The following BMP2K variants were observed in gnomAD, a reference collection of about 807,000 sequenced individuals.
BMP2K encodes BMP-2-inducible protein kinase.
A neutral mutation model predicts 116.0 loss-of-function variants in BMP2K; 74 were observed. That is an observed-to-expected ratio of 0.64 (90% CI 0.53 to 0.77). The LOEUF is 0.77. BMP2K is among the 30% of genes least tolerant of loss of function. The pLI, the probability that BMP2K is intolerant of heterozygous loss-of-function variation, is 0.00. For missense variants in BMP2K, 1,365 were observed against 1,403.6 expected, an observed-to-expected ratio of 0.97 and a Z score of 0.44; for synonymous variants, 486 against 502.5, an observed-to-expected ratio of 0.97 and a Z score of 0.44.
At chr4:78,808,704 T>A (rs1467406860) in intron 1 of BMP2K, among the ~76,000 whole-genome samples, 1 of 152,242 alleles carries the variant, frequency 6.6e-6, no homozygotes, top group Non-Finnish European at 1.5e-5. Flanking sequence ...CCCTTGTGAT[T>A]GCTTCTTTGA....
chr4:78,821,414 C>A (rs558076605), intron 1 of BMP2K, among the ~76,000 whole-genome samples: 28 of 152,268 alleles, frequency 1.8e-4, no homozygotes, highest in Middle Eastern at 3.4e-3. Context: ...TGTGACTACC[C>A]CTGTATGTCT....
intron 15 of BMP2K, among the ~76,000 whole-genome samples, chr4:78,908,716 C>G (rs996247772): frequency 6.6e-6 from 1 of 152,102 alleles, no homozygotes; most frequent in African/African-American, 2.4e-5. Context: ...TTTTAGTACT[C>G]CTCTTCACTT....
In BMP2K at chr4:78,826,025, T is replaced by C. The variant is rs763056717; in HGVS notation, c.179-12T>C. On this transcript the variant is annotated splice_polypyrimidine_tract_variant and intron_variant, in intron 1 of 15. Coordinates refer to ENST00000502613, the MANE Select transcript of BMP2K (RefSeq NM_198892.2). ...TGTTTCTTTTAAATTAATTGGTGCT[T>C]TGTTTTTCTAGGTGGATTCTCCACA... is the stretch of plus-strand genomic sequence containing the variant. 8 of 1,594,114 alleles carry C rather than the reference T, an allele frequency of 5.0e-6. No homozygotes were observed. Among genetic ancestry groups the C allele is most frequent in the South Asian group, 1.1e-5 (1 of 89,392 alleles).
At chr4:78,906,301 A>C (rs1225506815) in intron 15 of BMP2K, 1 of 152,160 alleles carries the variant, frequency 6.6e-6, no homozygotes, top group African/African-American at 2.4e-5. Flanking sequence ...GGGTTGCAAG[A>C]ATATGGGAGA....
chr4:78,781,504 T>C (rs972517168), intron 1 of BMP2K, among the ~76,000 whole-genome samples: 1 of 151,720 alleles, frequency 6.6e-6, no homozygotes, highest in Non-Finnish European at 1.5e-5. Flanking sequence ...ATGAGATATC[T>C]GAGAGGAAAT....
At chr4:78,801,237 T>G (rs997123412) in intron 1 of BMP2K, among the ~76,000 whole-genome samples, 5 of 152,200 alleles carry the variant, frequency 3.3e-5, no homozygotes, top group Non-Finnish European at 7.4e-5. Flanking sequence ...CAAGTCAGCT[T>G]CTCTTGTTTG....
chr4:78,836,773 T>G (rs1477879385), intron 3 of BMP2K, among the ~76,000 whole-genome samples: 1 of 152,236 alleles, frequency 6.6e-6, no homozygotes, highest in African/African-American at 2.4e-5. Context: ...ACATTATAGG[T>G]TGGAAATAAT....
chr4:78,892,565 T>G (rs1733496407), intron 15 of BMP2K, among the ~76,000 whole-genome samples: 1 of 152,190 alleles, frequency 6.6e-6, no homozygotes. Flanking sequence ...AATTTTTATG[T>G]TTTCTTCTAC....
At position 78,903,702 on chromosome 4, in the gene BMP2K, T is replaced by A. The variant is rs554066914; in HGVS notation, c.2063-6908T>A. ...TAACCCTACAGAATATTAAAAAAAA[T>A]TTTTAATACAGGGTACTCATCATAC... On this transcript the variant is annotated intron_variant, in intron 15 of 15. Transcript: ENST00000502613. Among the ~76,000 whole-genome samples the A allele has an allele frequency of 2.0e-4, 30 of 152,008 alleles. 1 individual carries two copies. The highest frequency in any genetic ancestry group is 5.8e-4 in the East Asian group (3 of 5,184).
intron 13 of BMP2K, 50 bp downstream of exon 13, chr4:78,872,848 T>G: frequency 6.4e-7 from 1 of 1,556,614 alleles, no homozygotes; most frequent in Non-Finnish European, 8.8e-7. Flanking sequence ...GAAGTGGAAG[T>G]CATCGTTGAA....
intron 1 of BMP2K, among the ~76,000 whole-genome samples, chr4:78,814,582 T>C (rs1221368281): frequency 6.6e-6 from 1 of 152,124 alleles, no homozygotes; most frequent in Non-Finnish European, 1.5e-5. Context: ...TGCTTAGCAC[T>C]TCTGCTTGCT....
chr4:78,903,939 G>T (rs1282735102), intron 15 of BMP2K, among the ~76,000 whole-genome samples: 1 of 151,940 alleles, frequency 6.6e-6, no homozygotes, highest in African/African-American at 2.4e-5. Flanking sequence ...TGTCAGCAGA[G>T]AAGTTATTAT....
At chr4:78,881,880 T>G (rs1732895498) in intron 14 of BMP2K, among the ~76,000 whole-genome samples, 1 of 152,084 alleles carries the variant, frequency 6.6e-6, no homozygotes, top group African/African-American at 2.4e-5. Context: ...AAACTGTTGA[T>G]TCAGTTGAAA....
At chr4:78,791,169 C>T (rs1427092833) in intron 1 of BMP2K, among the ~76,000 whole-genome samples, 3 of 152,054 alleles carry the variant, frequency 2.0e-5, no homozygotes, top group African/African-American at 7.2e-5. Context: ...GTGATCTTTC[C>T]TACTCTTTCC....
chr4:78,791,175 TTTCC>T (rs1171119920), intron 1 of BMP2K, among the ~76,000 whole-genome samples: 13 of 152,310 alleles, frequency 8.5e-5, no homozygotes, highest in African/African-American at 2.6e-4. Context: ...TTTCCTACTC[TTTCC>T]TTCCTTCATT....
chr4:78,820,860 C>G (rs1729583409), intron 1 of BMP2K: 1 of 153,664 alleles, frequency 6.5e-6, no homozygotes, highest in Non-Finnish European at 1.5e-5. Context: ...GCGTGAGCCA[C>G]CATACCCGGC....
intron 7 of BMP2K, among the ~76,000 whole-genome samples, chr4:78,857,954 A>G (rs1731583668): frequency 6.6e-6 from 1 of 151,872 alleles, no homozygotes; most frequent in South Asian, 2.1e-4. Context: ...AACTGACCTC[A>G]TTATCCTGTC....
At chr4:78,849,208 A>G (rs1397942869) in intron 6 of BMP2K, among the ~76,000 whole-genome samples, 3 of 151,274 alleles carry the variant, frequency 2.0e-5, no homozygotes, top group Non-Finnish European at 4.4e-5. Context: ...TAGGTAACAT[A>G]AAGAAATGCT....
intron 15 of BMP2K, among the ~76,000 whole-genome samples, chr4:78,909,653 C>G (rs1327489163): frequency 6.6e-6 from 1 of 152,094 alleles, no homozygotes; most frequent in Non-Finnish European, 1.5e-5. Flanking sequence ...TGGCTGGGCT[C>G]CTTCTCATTG....
Sources: gnomAD v4.1 joint callset for allele counts (sites outside exome capture counted in the v4.1 genomes callset) on GRCh38, gnomAD v4.1.1 for gene constraint, MANE v1.5 for transcripts, NCBI Gene and HGNC (gene_info 2026-07-23, HGNC 2026-07-21) for gene names.